Variants in UTRN observed in about 807,000 individuals in gnomAD.
The protein encoded by UTRN is utrophin.
A neutral mutation model predicts 463.9 loss-of-function variants in UTRN; 283 were observed. That is an observed-to-expected ratio of 0.61 (90% confidence interval 0.55 to 0.67). The LOEUF (loss-of-function observed/expected upper bound fraction) is 0.67. Among genes scored for constraint, UTRN ranks in the 30% least tolerant of loss-of-function variants. UTRN has a pLI of 0.00. For synonymous variants in UTRN, 1,442 were observed against 1,431.5 expected, an observed-to-expected ratio of 1.01 and a Z score of -0.17; for missense variants, 3,922 against 4,084.3, an observed-to-expected ratio of 0.96 and a Z score of 1.08.
At chr6:144,837,040 T>C (rs1315512569) in intron 71 of UTRN, 1 of 159,928 alleles carries the variant, frequency 6.3e-6, no homozygotes, top group East Asian at 1.7e-4. Context: ...CTTGCAAGCT[T>C]TCTGGATGAT....
intron 2 of UTRN, among the ~76,000 whole-genome samples, chr6:144,300,612 A>G (rs1347267616): frequency 1.3e-5 from 2 of 152,188 alleles, no homozygotes; most frequent in Non-Finnish European, 2.9e-5. Flanking sequence ...TTCTTTGTAT[A>G]TCATTGTGTG....
chr6:144,563,193 T>C (rs948357739), intron 50 of UTRN, among the ~76,000 whole-genome samples: 2 of 152,202 alleles, frequency 1.3e-5, no homozygotes, highest in African/African-American at 4.8e-5. Context: ...ATATTGTGTA[T>C]AGTAAAGACT....
In UTRN at chr6:144,725,580, A is replaced by G. The variant is rs114393855; in HGVS notation, c.7810-4777A>G. Reference sequence around the variant, plus strand: ...CATATATCAGTCACGTGATATTAGAACTTAAAGCTGAATGCCACTTTGTAG... The same window carrying G: ...CATATATCAGTCACGTGATATTAGAGCTTAAAGCTGAATGCCACTTTGTAG... On this transcript the variant is annotated intron_variant, in intron 53 of 74. Coordinates refer to ENST00000367545, the MANE Select transcript of UTRN (RefSeq NM_007124.3). 2.6e-3 allele frequency among the ~76,000 whole-genome samples: 403 copies of G among 152,316 alleles called. 2 individuals carry two copies. Among genetic ancestry groups the G allele is most frequent in the African/African-American group, 9.3e-3 (385 of 41,570 alleles).
intron 47 of UTRN, among the ~76,000 whole-genome samples, chr6:144,549,997 A>G (rs2128611237): frequency 6.6e-6 from 1 of 152,304 alleles, no homozygotes; most frequent in South Asian, 2.1e-4. Flanking sequence ...CTTTAGTAGA[A>G]GACTAGGATG....
intron 73 of UTRN, among the ~76,000 whole-genome samples, chr6:144,846,152 A>G (rs533432236): frequency 1.3e-5 from 2 of 152,358 alleles, no homozygotes; most frequent in East Asian, 3.9e-4. Flanking sequence ...AGCCCGCCAG[A>G]TCGTCTTCAC....
chr6:144,826,766 TGGTGGGATCTAGG>T (rs974962667), intron 66 of UTRN, among the ~76,000 whole-genome samples: 31 of 152,152 alleles, frequency 2.0e-4, no homozygotes, highest in Non-Finnish European at 4.6e-4. Flanking sequence ...GTGACATTTT[TGGTGGGATCTAGG>T]GGTGGTATCT....
At chr6:144,416,771 C>T (rs1369921826) in intron 3 of UTRN, among the ~76,000 whole-genome samples, 1 of 152,160 alleles carries the variant, frequency 6.6e-6, no homozygotes, top group Non-Finnish European at 1.5e-5. Flanking sequence ...AAGTTCAAGA[C>T]TGTTCATTTA....
In UTRN at chr6:144,826,085, C is replaced by T. The variant is rs531573205; in HGVS notation, c.9495-1263C>T. 1.4e-4 allele frequency among the ~76,000 whole-genome samples: 21 copies of T among 151,134 alleles called. No individual in the cohort carries two copies. The South Asian group carries it at 4.4e-3, about 32-fold the overall frequency. ...ATGGGTGCAGCACACCAACATGGCACATGTATACATATGTAACAAACCTGC... is the reference window on the plus strand; with the variant it reads ...ATGGGTGCAGCACACCAACATGGCATATGTATACATATGTAACAAACCTGC... On this transcript the variant is annotated intron_variant, in intron 66 of 74. Coordinates refer to ENST00000367545, the MANE Select transcript of UTRN (RefSeq NM_007124.3).
intron 51 of UTRN, among the ~76,000 whole-genome samples, chr6:144,636,391 G>C (rs775740047): frequency 6.9e-6 from 1 of 144,650 alleles, no homozygotes; most frequent in Non-Finnish European, 1.5e-5. Flanking sequence ...GGGCCTGTCA[G>C]GGGGTGGGGG....
intron 2 of UTRN, among the ~76,000 whole-genome samples, chr6:144,338,221 A>G (rs968269617): frequency 1.3e-5 from 2 of 151,996 alleles, no homozygotes; most frequent in Non-Finnish European, 2.9e-5. Context: ...ATTTTTAGAC[A>G]TGTGCTTTTA....
chr6:144,513,473 C>G (rs144198990), intron 35 of UTRN, among the ~76,000 whole-genome samples: 2 of 152,090 alleles, frequency 1.3e-5, no homozygotes, highest in Non-Finnish European at 2.9e-5. Context: ...TCACTTGAAC[C>G]TGGGAGGTGG....
At chr6:144,453,921 A>G in intron 19 of UTRN, 52 bp downstream of exon 19, 2 of 1,504,640 alleles carry the variant, frequency 1.3e-6, no homozygotes, top group Non-Finnish European at 1.8e-6. Context: ...GGCATCGAAT[A>G]ATATTACAGT....
intron 69 of UTRN, among the ~76,000 whole-genome samples, chr6:144,830,914 G>A (rs188811613): frequency 6.6e-6 from 1 of 152,264 alleles, no homozygotes; most frequent in African/African-American, 2.4e-5. Flanking sequence ...ATTCAGTGAA[G>A]TCATGAACTT....
chr6:144,780,286 T>C (rs1283544698), intron 60 of UTRN, among the ~76,000 whole-genome samples: 1 of 152,162 alleles, frequency 6.6e-6, no homozygotes, highest in Non-Finnish European at 1.5e-5. Flanking sequence ...TTGCCTCTTA[T>C]TTTTCATGCT....
intron 27 of UTRN, among the ~76,000 whole-genome samples, chr6:144,484,585 G>A (rs1792241893): frequency 6.6e-6 from 1 of 151,542 alleles, no homozygotes; most frequent in South Asian, 2.1e-4. Context: ...TGGGATTACA[G>A]GTGCCTGCCA....
intron 64 of UTRN, among the ~76,000 whole-genome samples, chr6:144,800,596 T>TA (rs1236156785): frequency 6.6e-6 from 1 of 152,226 alleles, no homozygotes; most frequent in Non-Finnish European, 1.5e-5. Context: ...TTGAATAAGA[T>TA]ACTTGGCCTG....
intron 51 of UTRN, among the ~76,000 whole-genome samples, chr6:144,636,369 C>T (rs181866598): frequency 5.4e-4 from 81 of 149,834 alleles, no homozygotes; most frequent in Non-Finnish European, 1.0e-3. Flanking sequence ...GGGAGAGGAA[C>T]ATCACACACT....
intron 20 of UTRN, 78 bp downstream of exon 20, chr6:144,459,089 A>T: frequency 6.4e-7 from 1 of 1,563,350 alleles, no homozygotes; most frequent in Non-Finnish European, 8.7e-7. Context: ...CGTATCATGA[A>T]CTTTAAGTTA....
intron 51 of UTRN, among the ~76,000 whole-genome samples, chr6:144,635,176 G>A (rs1416676984): frequency 1.4e-5 from 2 of 142,128 alleles, no homozygotes; most frequent in Non-Finnish European, 3.0e-5. Context: ...ATGAGACAGG[G>A]TTTTACTGTG....
Sources: gnomAD v4.1 joint callset for allele counts (sites outside exome capture counted in the v4.1 genomes callset) on GRCh38, gnomAD v4.1.1 for gene constraint, MANE v1.5 for transcripts, NCBI Gene and HGNC (gene_info 2026-07-23, HGNC 2026-07-21) for gene names.